PDGFRB: variants seen among roughly 807,000 people sequenced by gnomAD.
PDGFRB encodes the protein platelet-derived growth factor receptor beta.
Under a neutral mutation model 120.2 loss-of-function variants are expected in PDGFRB, and 42 were observed. The observed-to-expected ratio is 0.35, with a 90% confidence interval of 0.27 to 0.45. PDGFRB has a LOEUF of 0.45. Among genes scored for constraint, PDGFRB ranks in the 20% least tolerant of loss-of-function variants. The probability of loss-of-function intolerance (pLI) is 1.00; values close to 1 mark genes in which losing one functional copy is unlikely to be tolerated. For missense variants in PDGFRB, 1,149 were observed against 1,476.3 expected, an observed-to-expected ratio of 0.78 and a Z score of 3.63; for synonymous variants, 586 against 606.8, an observed-to-expected ratio of 0.97 and a Z score of 0.50.
intron 1 of PDGFRB, among the ~76,000 whole-genome samples, chr5:150,144,616 C>A (rs3776078): frequency 6.6e-6 from 1 of 152,140 alleles, no homozygotes; most frequent in African/African-American, 2.4e-5. Context: ...GTCAGAGTGC[C>A]TGTGCTTGGG....
In PDGFRB at chr5:150,114,014, C is replaced by T; in HGVS notation, c.*1749G>A. On this transcript the variant is annotated 3_prime_UTR_variant, in exon 23 of 23. Coordinates refer to ENST00000261799, the MANE Select transcript of PDGFRB (RefSeq NM_002609.4). ...TATATCTTTGGTACCGTATTGAGAACCCACTCTCCCTCCTTGGACCAACTC... is the reference window on the plus strand; with the variant it reads ...TATATCTTTGGTACCGTATTGAGAATCCACTCTCCCTCCTTGGACCAACTC... 1 of 233,626 alleles carries T rather than the reference C, an allele frequency of 4.3e-6. No homozygotes were observed. The highest frequency in any genetic ancestry group is 8.5e-6 in the Non-Finnish European group (1 of 118,000). 14.5% of individuals were successfully genotyped at this position (233,626 alleles called of 1,614,324 possible). A position where few individuals can be genotyped will look rare whatever the true frequency, so the allele number is the denominator to read the frequency against.
intron 12 of PDGFRB, 137 bp from the exon 13 acceptor site, chr5:150,124,968 T>C: frequency 1.7e-6 from 1 of 581,784 alleles, no homozygotes; most frequent in South Asian, 2.1e-5. Flanking sequence ...GCCACTCTCT[T>C]AGGTCAACCT....
At chr5:150,116,455 C>T (rs1366008753) in intron 22 of PDGFRB, among the ~76,000 whole-genome samples, 1 of 151,734 alleles carries the variant, frequency 6.6e-6, no homozygotes, top group Non-Finnish European at 1.5e-5. Flanking sequence ...ACTAAAAATA[C>T]AAAATTAGCC....
chr5:150,123,069 G>A lies in PDGFRB; in HGVS notation c.2156C>T (p.Ala719Val), dbSNP rs1029788952. The A allele has an allele frequency of 6.2e-7, 1 of 1,613,608 alleles. No homozygotes were observed. The highest frequency in any genetic ancestry group is 8.5e-7 in the Non-Finnish European group (1 of 1,179,968). The change falls in exon 15 of 23, where the codon GCT becomes GTT. Residue 719 changes from alanine to valine, a missense_variant. By Grantham distance (64) the Ala-to-Val change is moderately conservative. Transcript: ENST00000261799. ...GGGCAGGGGGAGCCCAACGGGCAGA[G>A]CATTGCTGTAGAGCTCCGCGCTGGG... ...RPPSAELYSNALPVGLPLPSH... is the reference protein window; with the variant it reads ...RPPSAELYSNVLPVGLPLPSH...
intron 10 of PDGFRB, among the ~76,000 whole-genome samples, chr5:150,128,249 C>A (rs1760353905): frequency 6.6e-6 from 1 of 152,254 alleles, no homozygotes; most frequent in Non-Finnish European, 1.5e-5. Flanking sequence ...GTCTTCCACT[C>A]AGGCTGTCCA....
rs372259018 is a variant in PDGFRB, at chr5:150,117,580, T to A, written c.3137+38A>T. 7.8e-4 allele frequency: 775 copies of A among 995,608 alleles called. 11 individuals are homozygous for A. The African/African-American group carries it at 0.011, about 14-fold the overall frequency. 61.7% of individuals were successfully genotyped at this position (995,608 alleles called of 1,614,324 possible). A position where few individuals can be genotyped will look rare whatever the true frequency, so the allele number is the denominator to read the frequency against. On this transcript the variant is annotated intron_variant, in intron 22 of 22. Coordinates refer to ENST00000261799, the MANE Select transcript of PDGFRB (RefSeq NM_002609.4). ...CACACACACACACACACACACACAC[T>A]GTGCACAATTTCCTTGGCCCCAGGC...
Position 150,113,967 on chromosome 5 carries a change from A to C in PDGFRB, c.*1796T>G, listed in dbSNP as rs1759839185. The C allele has an allele frequency of 4.3e-6, 1 of 233,378 alleles. No homozygotes were observed. Among genetic ancestry groups the C allele is most frequent in the South Asian group, 1.8e-4 (1 of 5,530 alleles). The allele number at this position is 233,378 out of a possible 1,614,324, so 14.5% of individuals were successfully genotyped here. On this transcript the variant is annotated 3_prime_UTR_variant, in exon 23 of 23. Coordinates refer to ENST00000261799, the MANE Select transcript of PDGFRB (RefSeq NM_002609.4). ...AATGTGAGTTAACGTGAGTCCTAAA[A>C]ATATTTGTAAACCTAGGTGATTATA...
At chr5:150,155,329 G>A (rs147285176) in intron 1 of PDGFRB, 68 bp downstream of exon 1, 187 of 205,976 alleles carry the variant, frequency 9.1e-4, no homozygotes, top group African/African-American at 5.1e-3. Flanking sequence ...TTACCTACTC[G>A]AAGAGATGCA....
At chr5:150,136,382 C>T (rs962191990) in intron 2 of PDGFRB, among the ~76,000 whole-genome samples, 1 of 151,982 alleles carries the variant, frequency 6.6e-6, no homozygotes, top group Admixed American at 6.6e-5. Flanking sequence ...CTGGAGGGAA[C>T]TGGGGTTGGG....
intron 1 of PDGFRB, among the ~76,000 whole-genome samples, chr5:150,138,651 G>A (rs1328164220): frequency 1.3e-5 from 2 of 151,986 alleles, no homozygotes; most frequent in East Asian, 1.9e-4. Context: ...CCCTTCTGAC[G>A]CCCCCTCCAG....
chr5:150,128,855 C>T (rs1760369432), intron 10 of PDGFRB, among the ~76,000 whole-genome samples: 1 of 152,226 alleles, frequency 6.6e-6, no homozygotes, highest in African/African-American at 2.4e-5. Context: ...GAGGTCCAGG[C>T]AGGGCTGAGC....
Position 150,121,580 on chromosome 5 carries a change from T to C in PDGFRB, c.2345-258A>G, listed in dbSNP as rs2113890605. Among the ~76,000 whole-genome samples the C allele has an allele frequency of 6.6e-6, 1 of 152,176 alleles. No homozygotes were observed. The highest frequency in any genetic ancestry group is 6.5e-5 in the Admixed American group (1 of 15,300). ...CTGCCTGCCTGCCTCTCAGGGACAC[T>C]AGACCAGCCTGGGGCTGAAGCTGAG... On this transcript the variant is annotated intron_variant, in intron 16 of 22. Transcript: ENST00000261799. The surrounding 1 kb of genome is among the most constrained non-coding windows in gnomAD (Gnocchi z 4.1).
Position 150,135,666 on chromosome 5 carries a change from G to A in PDGFRB, c.253C>T (p.Leu85Phe), listed in dbSNP as rs1414956735. The A allele has an allele frequency of 6.2e-7, 1 of 1,613,978 alleles. No homozygotes were observed. Among genetic ancestry groups the A allele is most frequent in the Non-Finnish European group, 8.5e-7 (1 of 1,179,830 alleles). The change falls in exon 3 of 23, where the codon CTC (leucine) becomes TTC (phenylalanine). Residue 85 changes from leucine (L) to phenylalanine (F), a missense_variant. Leu to Phe is a conservative substitution (Grantham distance 22, BLOSUM62 0). Transcript: ENST00000261799. ...AGCCCAGTGAGGTTGGTCAGTGTGA[G>A]CACGCTGGAGAAGGTGCCATCCTGG... ...KAQDGTFSSV[L>F]TLTNLTGLDT...
At position 150,118,660 on chromosome 5, in the gene PDGFRB, C is replaced by T. The variant is rs150263966; in HGVS notation, c.2904+87G>A. On this transcript the variant is annotated intron_variant, in intron 21 of 22. Transcript: ENST00000261799. ...AGGACAAAGGGTGGTCCCCTAAATG[C>T]CAGCCCATCACGCAGAGCCTTGTAC... The T allele has an allele frequency of 0.013, 11,060 of 843,268 alleles. 114 individuals are homozygous for T. Among genetic ancestry groups the T allele is most frequent in the Non-Finnish European group, 0.019 (9,182 of 490,290 alleles). The allele number at this position is 843,268 out of a possible 1,614,324, so 52.2% of individuals were successfully genotyped here.
At chr5:150,123,277 G>T (rs1760200437) in intron 14 of PDGFRB, 76 bp from the exon 15 acceptor site, 4 of 1,150,760 alleles carry the variant, frequency 3.5e-6, no homozygotes, top group Non-Finnish European at 3.8e-6. Context: ...GCTAATCAGG[G>T]GCTGGATGTG....
rs55670260 is a variant in PDGFRB, at chr5:150,133,048, A to G, written c.935-106T>C. ...GGGCTTCAGGCCTGGGGACCGTGCC[A>G]GCCATGGAGTTTCCGGAGCTGAGGT... is the stretch of plus-strand genomic sequence containing the variant. On this transcript the variant is annotated intron_variant, in intron 6 of 22. Coordinates refer to ENST00000261799, the MANE Select transcript of PDGFRB (RefSeq NM_002609.4). The G allele has an allele frequency of 0.018, 13,820 of 777,328 alleles. 161 individuals carry two copies. Among genetic ancestry groups the G allele is most frequent in the Non-Finnish European group, 0.023 (11,285 of 488,726 alleles). 48.2% of individuals were successfully genotyped at this position (777,328 alleles called of 1,614,324 possible). A position where few individuals can be genotyped will look rare whatever the true frequency, so the allele number is the denominator to read the frequency against.
rs755333624 is a variant in PDGFRB, at chr5:150,135,589, G to A, written c.330C>T (p.Thr110=). ...AGATGTAGAGCCGTTTCCGCTCATC[G>A]GTCTCCAGTCCACGGGAGTCATTGT... ...CTHNDSRGLE[T]DERKRLYIFV... Residue 110 remains threonine, a synonymous_variant, in exon 3 of 23, where the codon ACC becomes ACT. Transcript: ENST00000261799. 27 of 1,612,598 alleles carry A rather than the reference G, an allele frequency of 1.7e-5. No individual in the cohort carries two copies. Among genetic ancestry groups the A allele is most frequent in the Admixed American group, 1.0e-4 (6 of 59,886 alleles).
At position 150,115,822 on chromosome 5, in the gene PDGFRB, G is replaced by A. The variant is rs1192950716; in HGVS notation, c.3262C>T (p.Gln1088Ter). Residue 1088 changes from glutamine to a stop codon, truncating the protein, a stop_gained, in exon 23 of 23, where the codon CAG becomes TAG. Coordinates refer to ENST00000261799, the MANE Select transcript of PDGFRB (RefSeq NM_002609.4). LOFTEE classifies it high-confidence loss of function. ...GCAGGGCACCCCGAATCCGGCAACT[G>A]TTCCAGCTCTGGCTCCGGCTCCACC... ...LQVEPEPELE[Q>*]LPDSGCPAPR... is the part of the protein sequence containing the mutation. 4 of 1,613,176 alleles carry A rather than the reference G, an allele frequency of 2.5e-6. No homozygotes were observed. The highest frequency in any genetic ancestry group is 3.4e-6 in the Non-Finnish European group (4 of 1,179,574).
chr5:150,132,725 TG>T lies in PDGFRB; in HGVS notation c.1127+24del. ...CTGCAAAGAAAAATAACTTCAAGAA[TG>T]GGATGGGAGAGCGAGCTGCTCACCG... On this transcript the variant is annotated intron_variant, in intron 7 of 22. Transcript: ENST00000261799. This position sits in a 1 kb window ranked among gnomAD's most constrained non-coding sequence, Gnocchi z 5.0. The T allele has an allele frequency of 1.3e-6, 2 of 1,598,238 alleles. No individual in the cohort carries two copies. The highest frequency in any genetic ancestry group is 4.5e-5 in the East Asian group (2 of 44,542).
Sources: allele counts gnomAD v4.1 joint callset (sites outside exome capture counted in the v4.1 genomes callset), GRCh38; gene constraint gnomAD v4.1.1; non-coding constraint Gnocchi (gnomAD v3.1); transcripts MANE v1.5; gene names NCBI Gene and HGNC (gene_info 2026-07-23, HGNC 2026-07-21).